METTL15: variants seen among roughly 807,000 people sequenced by gnomAD.
The protein encoded by METTL15 is 12S rRNA N(4)-cytidine methyltransferase METTL15.
Under a neutral mutation model 38.3 loss-of-function variants are expected in METTL15, and 34 were observed. That is an observed-to-expected ratio of 0.89 (90% CI 0.68 to 1.18). The LOEUF (loss-of-function observed/expected upper bound fraction) is 1.18. METTL15 is among the 50% of genes most tolerant of loss of function. The pLI, the probability that METTL15 is intolerant of heterozygous loss-of-function variation, is 0.00. For missense variants in METTL15, 438 were observed against 498.4 expected (o/e 0.88, Z 1.15); for synonymous variants, 162 against 170.9 (o/e 0.95, Z 0.41).
At chr11:28,429,420 C>T (rs1169249190) in intron 6 of METTL15, among the ~76,000 whole-genome samples, 4 of 132,162 alleles carry the variant, frequency 3.0e-5, no homozygotes, top group Admixed American at 7.9e-5. Context: ...CATGCGGAGC[C>T]GAAGCTGGAC....
intron 5 of METTL15, among the ~76,000 whole-genome samples, chr11:28,416,293 C>G (rs890903665): frequency 1.3e-5 from 2 of 152,208 alleles, no homozygotes; most frequent in African/African-American, 4.8e-5. Flanking sequence ...CCTGTGGTCA[C>G]TGTCAGATCT....
chr11:28,151,451 C>T (rs1394716572), intron 3 of METTL15, among the ~76,000 whole-genome samples: 1 of 151,878 alleles, frequency 6.6e-6, no homozygotes, highest in Non-Finnish European at 1.5e-5. Context: ...ATACAAAGTT[C>T]CTTTACCACC....
intron 6 of METTL15, among the ~76,000 whole-genome samples, chr11:28,430,088 C>T (rs1354443417): frequency 2.1e-4 from 31 of 149,844 alleles, no homozygotes; most frequent in African/African-American, 7.6e-4. Context: ...GCCCGGCCGC[C>T]CTGTCTGAGA....
At chr11:28,360,617 C>G (rs1354213142) in intron 4 of METTL15, among the ~76,000 whole-genome samples, 1 of 151,992 alleles carries the variant, frequency 6.6e-6, no homozygotes, top group Non-Finnish European at 1.5e-5. Flanking sequence ...ATCTAGGAAG[C>G]CTGACTTCAT....
At chr11:28,186,858 T>G (rs1308857524) in intron 3 of METTL15, among the ~76,000 whole-genome samples, 1 of 151,124 alleles carries the variant, frequency 6.6e-6, no homozygotes, top group Non-Finnish European at 1.5e-5. Flanking sequence ...TTTGGTAGCT[T>G]AGGGTAGTGG....
chr11:28,111,063 C>T (rs992957447), intron 2 of METTL15, among the ~76,000 whole-genome samples: 2 of 152,110 alleles, frequency 1.3e-5, no homozygotes, highest in African/African-American at 2.4e-5. Context: ...GCATGCCACA[C>T]CCCCAGCTTC....
chr11:28,366,522 A>C (rs976980028), intron 5 of METTL15, among the ~76,000 whole-genome samples: 1 of 152,198 alleles, frequency 6.6e-6, no homozygotes, highest in Non-Finnish European at 1.5e-5. Context: ...TACAACTGCC[A>C]TCAATTGAGT....
chr11:28,314,639 A>C (rs1307056988), intron 6 of METTL15, among the ~76,000 whole-genome samples: 1 of 152,218 alleles, frequency 6.6e-6, no homozygotes, highest in East Asian at 1.9e-4. Context: ...ATCATGATTC[A>C]ATTTCAGGTA....
intron 6 of METTL15, among the ~76,000 whole-genome samples, chr11:28,515,142 G>A (rs1024629008): frequency 6.6e-6 from 1 of 152,116 alleles, no homozygotes; most frequent in Non-Finnish European, 1.5e-5. Context: ...CAGCAAAGGA[G>A]GAAAAGCATA....
intron 3 of METTL15, among the ~76,000 whole-genome samples, chr11:28,199,570 T>C (rs1852031922): frequency 6.6e-6 from 1 of 151,990 alleles, no homozygotes; most frequent in South Asian, 2.1e-4. Flanking sequence ...ACAACACTAA[T>C]TGAGAGGTGG....
chr11:28,307,345 CTT>C (rs1014192287), intron 6 of METTL15, among the ~76,000 whole-genome samples: 1 of 151,902 alleles, frequency 6.6e-6, no homozygotes, highest in African/African-American at 2.4e-5. Context: ...ATCATCAAAA[CTT>C]GATATATTAT....
chr11:28,375,679 T>C (rs1185924462), intron 5 of METTL15, among the ~76,000 whole-genome samples: 2 of 152,166 alleles, frequency 1.3e-5, no homozygotes, highest in Non-Finnish European at 2.9e-5. Context: ...AGTTCTGCCC[T>C]GATTTTAGTT....
At chr11:28,404,412 G>T (rs1003553944) in intron 5 of METTL15, among the ~76,000 whole-genome samples, 1 of 152,052 alleles carries the variant, frequency 6.6e-6, no homozygotes, top group Non-Finnish European at 1.5e-5. Context: ...GGATCCAGCA[G>T]ATTTGTTGTC....
chr11:28,379,349 A>T (rs371254397), intron 5 of METTL15, among the ~76,000 whole-genome samples: 3 of 152,242 alleles, frequency 2.0e-5, no homozygotes, highest in South Asian at 4.1e-4. Context: ...GTTTATTGCT[A>T]TAAATGTCCC....
intron 5 of METTL15, among the ~76,000 whole-genome samples, chr11:28,407,126 G>A (rs1201425450): frequency 6.6e-6 from 1 of 152,036 alleles, no homozygotes; most frequent in African/African-American, 2.4e-5. Flanking sequence ...GTTCATCAGG[G>A]AAACTGGACT....
At chr11:28,499,658 A>G (rs1390574813) in intron 6 of METTL15, among the ~76,000 whole-genome samples, 1 of 152,192 alleles carries the variant, frequency 6.6e-6, no homozygotes, top group African/African-American at 2.4e-5. Context: ...TGAATAAGTG[A>G]CCAGAGATCA....
intron 4 of METTL15, among the ~76,000 whole-genome samples, chr11:28,356,910 G>A (rs1230947265): frequency 6.6e-6 from 1 of 152,128 alleles, no homozygotes; most frequent in East Asian, 1.9e-4. Context: ...GGCATTACCT[G>A]GCTTGGCCCT....
intron 5 of METTL15, among the ~76,000 whole-genome samples, chr11:28,405,108 G>T (rs188808700): frequency 3.3e-5 from 5 of 152,176 alleles, no homozygotes; most frequent in Admixed American, 3.3e-4. Flanking sequence ...TATGGAGCTT[G>T]GGCTATTGTT....
At chr11:28,279,016 A>G (rs939948334) in intron 4 of METTL15, among the ~76,000 whole-genome samples, 3 of 152,126 alleles carry the variant, frequency 2.0e-5, no homozygotes, top group Non-Finnish European at 4.4e-5. Flanking sequence ...TGAAAGAGAC[A>G]GGGTCTTGCC....
Sources: allele counts gnomAD v4.1 joint callset (sites outside exome capture counted in the v4.1 genomes callset), GRCh38; gene constraint gnomAD v4.1.1; transcripts MANE v1.5; gene names NCBI Gene and HGNC (gene_info 2026-07-23, HGNC 2026-07-21).